The following EYA1 variants were observed in gnomAD, a reference collection of about 807,000 sequenced individuals.
EYA1 encodes protein phosphatase EYA1.
In EYA1, 16 loss-of-function variants were observed where a neutral mutation model predicts 82.0. The ratio of observed to expected loss-of-function variants is 0.20; its 90% CI spans 0.13 to 0.30. EYA1 has a LOEUF of 0.30. EYA1 is among the 10% of genes least tolerant of loss of function. The probability of loss-of-function intolerance (pLI) is 1.00; values close to 1 mark genes in which losing one functional copy is unlikely to be tolerated. For missense variants in EYA1, 633 were observed against 730.7 expected (o/e 0.87, Z 1.54); for synonymous variants, 261 against 264.4 (o/e 0.99, Z 0.12).
At chr8:71,523,261 C>T (rs1813563667) in intron 2 of EYA1, among the ~76,000 whole-genome samples, 2 of 144,594 alleles carry the variant, frequency 1.4e-5, no homozygotes, top group African/African-American at 5.2e-5. Context: ...TCACTGCAAG[C>T]TCCGCCTCCC....
chr8:71,431,556 A>G (rs1043973025), intron 2 of EYA1, among the ~76,000 whole-genome samples: 1 of 152,226 alleles, frequency 6.6e-6, no homozygotes, highest in Admixed American at 6.5e-5. Flanking sequence ...TATAGGAAAC[A>G]GAATTGCTAG....
rs376481761 is a variant in EYA1, at chr8:71,500,052, C to T, written c.33+35692G>A. ...ATGGGAAAGGAACCGAAACACACAA[C>T]GATGTCAATTTCAGGCATGTTTAAT... is the stretch of plus-strand genomic sequence containing the variant. On this transcript the variant is annotated intron_variant, in intron 2 of 18. Transcript: ENST00000643681. Among the ~76,000 whole-genome samples, 20 of 152,194 alleles carry T rather than the reference C, an allele frequency of 1.3e-4. No individual in the cohort carries two copies. The South Asian group carries it at 3.7e-3, about 28-fold the overall frequency.
rs148541494 is a variant in EYA1, at chr8:71,220,264, G to C, written c.1141-3241C>G. ...CTGAAACTGTACTTTTGAAATACAC[G>C]ACCAAAATTATGTGATAGACTTTTA... is the stretch of plus-strand genomic sequence containing the variant. On this transcript the variant is annotated intron_variant, in intron 12 of 17. Coordinates refer to ENST00000340726, the MANE Select transcript of EYA1 (RefSeq NM_000503.6). Among the ~76,000 whole-genome samples, 12 of 152,148 alleles carry C rather than the reference G, an allele frequency of 7.9e-5. No individual in the cohort carries two copies. The East Asian group carries it at 2.1e-3, about 27-fold the overall frequency.
intron 7 of EYA1, among the ~76,000 whole-genome samples, chr8:71,309,814 C>T (rs1180491718): frequency 2.6e-5 from 4 of 152,156 alleles, no homozygotes; most frequent in East Asian, 1.9e-4. Flanking sequence ...GCCTCTTCCA[C>T]GTACCCTTTA....
At chr8:71,456,328 C>T (rs1393298826) in intron 2 of EYA1, among the ~76,000 whole-genome samples, 2 of 152,198 alleles carry the variant, frequency 1.3e-5, no homozygotes, top group Non-Finnish European at 2.9e-5. Context: ...AATGGCCATA[C>T]TGCCAAGGTA....
intron 7 of EYA1, among the ~76,000 whole-genome samples, chr8:71,302,586 C>G (rs918374137): frequency 2.0e-5 from 2 of 101,898 alleles, no homozygotes; most frequent in African/African-American, 5.8e-5. Context: ...AGACTTAATG[C>G]AACTTCCAAA....
At chr8:71,224,866 T>G (rs1054254271) in intron 12 of EYA1, among the ~76,000 whole-genome samples, 6 of 152,210 alleles carry the variant, frequency 3.9e-5, no homozygotes, top group Non-Finnish European at 7.3e-5. Context: ...TTTTCATAAC[T>G]AATTTGAAAA....
chr8:71,206,562 C>CTGAG (rs1412878702), intron 17 of EYA1, among the ~76,000 whole-genome samples: 1 of 152,054 alleles, frequency 6.6e-6, no homozygotes, highest in Non-Finnish European at 1.5e-5. Flanking sequence ...GAGGAAATAC[C>CTGAG]TGAGTTCAAA....
At chr8:71,285,212 A>C (rs1818234119) in intron 9 of EYA1, among the ~76,000 whole-genome samples, 1 of 152,232 alleles carries the variant, frequency 6.6e-6, no homozygotes, top group South Asian at 2.1e-4. Context: ...AGCACAATTA[A>C]GAAATATATC....
At chr8:71,252,476 T>C (rs750478688) in intron 11 of EYA1, among the ~76,000 whole-genome samples, 21 of 152,096 alleles carry the variant, frequency 1.4e-4, no homozygotes, top group Non-Finnish European at 2.8e-4. Context: ...CGATAGAATG[T>C]TCATACAATT....
chr8:71,359,606 A>G (rs1434892382), intron 1 of EYA1, among the ~76,000 whole-genome samples: 2 of 152,210 alleles, frequency 1.3e-5, no homozygotes, highest in East Asian at 3.8e-4. Flanking sequence ...GTAAACTGTA[A>G]ATGGAAAGGG....
intron 6 of EYA1, 34 bp from the exon 7 acceptor site, chr8:71,317,723 C>A: frequency 6.2e-7 from 1 of 1,610,540 alleles, no homozygotes; most frequent in Non-Finnish European, 8.5e-7. Flanking sequence ...TCTATCTGTC[C>A]ATTTTCAAAA....
chr8:71,391,231 C>T (rs1563563079), intron 2 of EYA1, among the ~76,000 whole-genome samples: 1 of 152,162 alleles, frequency 6.6e-6, no homozygotes, highest in Admixed American at 6.5e-5. Flanking sequence ...GATCTGCCCA[C>T]CTCAGCCTCC....
At chr8:71,275,349 A>C (rs1405111034) in intron 9 of EYA1, among the ~76,000 whole-genome samples, 1 of 152,200 alleles carries the variant, frequency 6.6e-6, no homozygotes, top group African/African-American at 2.4e-5. Context: ...GGAAGAAGGC[A>C]TTACAGGGAA....
intron 2 of EYA1, among the ~76,000 whole-genome samples, chr8:71,507,735 G>A (rs570290704): frequency 3.3e-5 from 5 of 152,222 alleles, no homozygotes; most frequent in South Asian, 4.1e-4. Context: ...TACAGCAAAC[G>A]CAAAAGCAAG....
chr8:71,222,540 T>C (rs1011823241), intron 12 of EYA1, among the ~76,000 whole-genome samples: 11 of 152,204 alleles, frequency 7.2e-5, no homozygotes, highest in African/African-American at 2.7e-4. Flanking sequence ...TCGTAGAGGA[T>C]ATTCTTCCTT....
At chr8:71,523,179 C>CTT (rs1160944112) in intron 2 of EYA1, among the ~76,000 whole-genome samples, 10 of 119,752 alleles carry the variant, frequency 8.4e-5, no homozygotes, top group African/African-American at 1.4e-4. Flanking sequence ...TTTTCTTTTT[C>CTT]TTTTTTTTTT....
intron 11 of EYA1, among the ~76,000 whole-genome samples, chr8:71,260,769 A>C (rs1815002912): frequency 6.6e-6 from 1 of 152,186 alleles, no homozygotes; most frequent in African/African-American, 2.4e-5. Flanking sequence ...TAGCCCAGTG[A>C]GGTGTGTTGC....
At chr8:71,498,184 C>T (rs1218626725) in intron 2 of EYA1, among the ~76,000 whole-genome samples, 1 of 152,100 alleles carries the variant, frequency 6.6e-6, no homozygotes, top group Admixed American at 6.6e-5. Context: ...TTCAAAAATG[C>T]TGAGTGTGGA....
Sources: allele counts gnomAD v4.1 joint callset (sites outside exome capture counted in the v4.1 genomes callset), GRCh38; gene constraint gnomAD v4.1.1; transcripts MANE v1.5; gene names NCBI Gene and HGNC (gene_info 2026-07-23, HGNC 2026-07-21).